Variants in CNTNAP5 observed in about 807,000 individuals in gnomAD.
CNTNAP5 encodes contactin-associated protein-like 5.
In CNTNAP5, 72 loss-of-function variants were observed where a neutral mutation model predicts 150.2. The ratio of observed to expected loss-of-function variants is 0.48; its 90% confidence interval spans 0.40 to 0.58. The LOEUF is 0.58. Ranked by LOEUF, CNTNAP5 falls within the 20% of genes least tolerant of loss-of-function variation. The probability of loss-of-function intolerance (pLI) is 0.00; values close to 1 mark genes in which losing one functional copy is unlikely to be tolerated. For synonymous variants in CNTNAP5, 672 were observed against 619.8 expected, an observed-to-expected ratio of 1.08 and a Z score of -1.25; for missense variants, 1,636 against 1,626.2, an observed-to-expected ratio of 1.01 and a Z score of -0.10.
chr2:124,037,256 G>C (rs951031), intron 1 of CNTNAP5, among the ~76,000 whole-genome samples: 6,904 of 152,228 alleles, frequency 0.045, 214 homozygotes, highest in East Asian at 0.097. Context: ...CCCACTATTA[G>C]TGTCTGTTCC....
chr2:124,761,299 A>G (rs1029836509), intron 14 of CNTNAP5, among the ~76,000 whole-genome samples: 2 of 152,112 alleles, frequency 1.3e-5, no homozygotes, highest in South Asian at 2.1e-4. Context: ...AAATCCGATC[A>G]TATTCCTAAT....
At chr2:124,452,897 C>G (rs2104812510) in intron 6 of CNTNAP5, among the ~76,000 whole-genome samples, 1 of 152,264 alleles carries the variant, frequency 6.6e-6, no homozygotes, top group Admixed American at 6.5e-5. Context: ...CCCAGACCTT[C>G]TCTTTCACAT....
At chr2:124,718,514 GCC>G (rs1679988940) in intron 13 of CNTNAP5, among the ~76,000 whole-genome samples, 2 of 152,116 alleles carry the variant, frequency 1.3e-5, no homozygotes, top group Non-Finnish European at 2.9e-5. Context: ...AGCCCAAACT[GCC>G]CATTTATTGG....
intron 17 of CNTNAP5, among the ~76,000 whole-genome samples, chr2:124,785,333 A>G (rs757174600): frequency 2.9e-4 from 44 of 152,234 alleles, no homozygotes; most frequent in Non-Finnish European, 4.0e-4. Flanking sequence ...TTGCCATGCA[A>G]GAAAGCAGGT....
At chr2:124,730,862 G>C (rs1479097564) in intron 13 of CNTNAP5, among the ~76,000 whole-genome samples, 1 of 151,978 alleles carries the variant, frequency 6.6e-6, no homozygotes, top group Non-Finnish European at 1.5e-5. Context: ...CAGGAGAGTG[G>C]TTAATATTCT....
chr2:124,793,414 T>C (rs1216499825), intron 18 of CNTNAP5, among the ~76,000 whole-genome samples: 6 of 152,200 alleles, frequency 3.9e-5, no homozygotes, highest in Non-Finnish European at 8.8e-5. Context: ...TAATTTGTCG[T>C]ATGTTTGGAA....
At chr2:124,841,341 A>T (rs1255117039) in intron 19 of CNTNAP5, among the ~76,000 whole-genome samples, 1 of 150,976 alleles carries the variant, frequency 6.6e-6, no homozygotes, top group Non-Finnish European at 1.5e-5. Flanking sequence ...CCAAGCTTAC[A>T]CGCCCACCTT....
chr2:124,623,231 G>A (rs1291972442), intron 12 of CNTNAP5, among the ~76,000 whole-genome samples: 1 of 152,082 alleles, frequency 6.6e-6, no homozygotes, highest in Non-Finnish European at 1.5e-5. Flanking sequence ...GTCCTTGTGG[G>A]AAAAAATGCC....
At chr2:124,759,903 T>C in intron 14 of CNTNAP5, among the ~76,000 whole-genome samples, 1 of 144,312 alleles carries the variant, frequency 6.9e-6, no homozygotes, top group East Asian at 2.2e-4. Flanking sequence ...ACCTTTAAGC[T>C]CATTTAAAGC....
chr2:124,387,682 A>G lies in CNTNAP5; in HGVS notation c.382-29761A>G, dbSNP rs577212672. ...ATTGATCAGTTAGGGTGGGGCAGGAACAAATCACAATGGTGGAATGTCATC... is the reference window on the plus strand; with the variant it reads ...ATTGATCAGTTAGGGTGGGGCAGGAGCAAATCACAATGGTGGAATGTCATC... On this transcript the variant is annotated intron_variant, in intron 3 of 23. Coordinates refer to ENST00000682447, the MANE Select transcript of CNTNAP5 (RefSeq NM_001367498.1). 3.0e-4 allele frequency among the ~76,000 whole-genome samples: 46 copies of G among 152,290 alleles called. 3 individuals are homozygous for G. In the South Asian group the frequency reaches 7.3e-3, roughly 24 times the overall value.
intron 1 of CNTNAP5, among the ~76,000 whole-genome samples, chr2:124,068,137 C>T (rs763496003): frequency 5.3e-5 from 8 of 149,762 alleles, no homozygotes; most frequent in Admixed American, 2.0e-4. Flanking sequence ...AAACATCAGG[C>T]GAGAATCACA....
At chr2:124,082,906 T>A (rs1022633191) in intron 1 of CNTNAP5, among the ~76,000 whole-genome samples, 3 of 152,212 alleles carry the variant, frequency 2.0e-5, no homozygotes, top group African/African-American at 7.2e-5. Context: ...GTGTTGGACA[T>A]CTTTAATGTG....
chr2:124,519,226 C>T (rs1163207991), intron 8 of CNTNAP5, among the ~76,000 whole-genome samples: 1 of 151,864 alleles, frequency 6.6e-6, no homozygotes, highest in Non-Finnish European at 1.5e-5. Flanking sequence ...ATCAAGGTTA[C>T]AGAGTATATT....
chr2:124,472,680 G>A (rs1451527437), intron 6 of CNTNAP5, among the ~76,000 whole-genome samples: 2 of 151,588 alleles, frequency 1.3e-5, no homozygotes, highest in Non-Finnish European at 2.9e-5. Flanking sequence ...GTCGCACAAA[G>A]TTTTTGGTTT....
intron 11 of CNTNAP5, among the ~76,000 whole-genome samples, chr2:124,598,612 G>GC (rs1696892035): frequency 6.7e-6 from 1 of 150,176 alleles, no homozygotes; most frequent in Non-Finnish European, 1.5e-5. Flanking sequence ...TCTGTGCCCT[G>GC]CCCCCAGAGG....
chr2:124,320,013 T>G (rs1689060459), intron 3 of CNTNAP5, among the ~76,000 whole-genome samples: 1 of 152,224 alleles, frequency 6.6e-6, no homozygotes, highest in Admixed American at 6.5e-5. Context: ...ACTGATTCTG[T>G]TTTAATGTCC....
chr2:124,148,516 TA>T (rs1328927292), intron 1 of CNTNAP5, among the ~76,000 whole-genome samples: 2 of 145,986 alleles, frequency 1.4e-5, no homozygotes, highest in Non-Finnish European at 3.0e-5. Context: ...TATATATATA[TA>T]ATATATACAT....
chr2:124,855,396 C>T (rs1250790198), intron 19 of CNTNAP5, among the ~76,000 whole-genome samples: 1 of 151,992 alleles, frequency 6.6e-6, no homozygotes, highest in Non-Finnish European at 1.5e-5. Context: ...CAGGCTCGAA[C>T]TCCTGACCTC....
chr2:124,194,307 C>T (rs985961906), intron 1 of CNTNAP5, among the ~76,000 whole-genome samples: 1 of 138,678 alleles, frequency 7.2e-6, no homozygotes, highest in African/African-American at 2.7e-5. Flanking sequence ...GTGGGAGCAA[C>T]CACCCACCAT....
Sources: gnomAD v4.1 joint callset for allele counts (sites outside exome capture counted in the v4.1 genomes callset) on GRCh38, gnomAD v4.1.1 for gene constraint, MANE v1.5 for transcripts, NCBI Gene and HGNC (gene_info 2026-07-23, HGNC 2026-07-21) for gene names.